Variants in PPP3CC observed in about 807,000 individuals in gnomAD.
PPP3CC encodes protein phosphatase 3 catalytic subunit gamma, also known as serine/threonine-protein phosphatase 2B catalytic subunit gamma isoform.
Under a neutral mutation model 60.3 loss-of-function variants are expected in PPP3CC, and 35 were observed. That is an observed-to-expected ratio of 0.58 (90% CI 0.44 to 0.77). PPP3CC has a LOEUF of 0.77. Among genes scored for constraint, PPP3CC ranks in the 30% least tolerant of loss-of-function variants. The pLI is 0.00. For synonymous variants in PPP3CC, 206 were observed against 224.3 expected (o/e 0.92, Z 0.73); for missense variants, 570 against 628.9 (o/e 0.91, Z 1.00).
intron 3 of PPP3CC, among the ~76,000 whole-genome samples, chr8:22,478,359 C>T (rs1238875606): frequency 6.6e-6 from 1 of 152,042 alleles, no homozygotes; most frequent in Non-Finnish European, 1.5e-5. Flanking sequence ...ACCATCTTGG[C>T]CAGGCTGGTC....
chr8:22,460,359 G>A (rs561080016), intron 1 of PPP3CC, among the ~76,000 whole-genome samples: 2 of 152,116 alleles, frequency 1.3e-5, no homozygotes, highest in South Asian at 4.2e-4. Flanking sequence ...AATTTTTTGT[G>A]TGTGAGTGTG....
rs117637204 is a variant in PPP3CC, at chr8:22,521,851, A to G, written c.771-640A>G. 6.8e-4 allele frequency among the ~76,000 whole-genome samples: 103 copies of G among 151,830 alleles called. No homozygotes were observed. The East Asian group carries it at 0.013, about 19-fold the overall frequency. ...AGAATATTGTATCTTTTTTTAGAAT[A>G]TGGTTGGCTAAAATATTTACATCTG... On this transcript the variant is annotated intron_variant, in intron 6 of 13. Coordinates refer to ENST00000240139, the MANE Select transcript of PPP3CC (RefSeq NM_005605.5).
chr8:22,499,714 C>CATTTTTA (rs1838708055), intron 4 of PPP3CC, among the ~76,000 whole-genome samples: 1 of 152,198 alleles, frequency 6.6e-6, no homozygotes, highest in Admixed American at 6.5e-5. Flanking sequence ...AGGGCATTTG[C>CATTTTTA]ATTTTTAGTT....
intron 6 of PPP3CC, among the ~76,000 whole-genome samples, chr8:22,513,887 A>G (rs192623733): frequency 6.6e-6 from 1 of 152,322 alleles, no homozygotes; most frequent in Admixed American, 6.5e-5. Context: ...AGCCCAGTAC[A>G]TTTCCTGGAA....
chr8:22,540,094 A>G (rs935462128), intron 13 of PPP3CC, among the ~76,000 whole-genome samples: 7 of 152,330 alleles, frequency 4.6e-5, no homozygotes, highest in Middle Eastern at 3.4e-3. Context: ...TGTAGAAGCT[A>G]TTTTTAAGTT....
chr8:22,468,060 C>T (rs1837600384), intron 1 of PPP3CC, among the ~76,000 whole-genome samples: 1 of 152,158 alleles, frequency 6.6e-6, no homozygotes, highest in Non-Finnish European at 1.5e-5. Context: ...ACATTCAAAT[C>T]ATAGCAGCTG....
chr8:22,441,509 G>C, intron 1 of PPP3CC, 51 bp downstream of exon 1: 5 of 1,495,268 alleles, frequency 3.3e-6, no homozygotes, highest in Non-Finnish European at 4.5e-6. Context: ...ACGGCCTTCG[G>C]CTGGGCGGCG....
chr8:22,441,704 G>A (rs1427217875), intron 1 of PPP3CC, among the ~76,000 whole-genome samples: 3 of 151,990 alleles, frequency 2.0e-5, no homozygotes, highest in East Asian at 3.9e-4. Flanking sequence ...GTGCAGTGGG[G>A]ACTTCTTCTC....
At chr8:22,466,315 A>G (rs1248077997) in intron 1 of PPP3CC, among the ~76,000 whole-genome samples, 1 of 152,160 alleles carries the variant, frequency 6.6e-6, no homozygotes, top group Non-Finnish European at 1.5e-5. Flanking sequence ...ATGTGTCTTT[A>G]TAGTAGAATG....
chr8:22,491,687 G>C (rs998970919), intron 3 of PPP3CC, among the ~76,000 whole-genome samples: 1 of 152,088 alleles, frequency 6.6e-6, no homozygotes, highest in African/African-American at 2.4e-5. Flanking sequence ...AAATAATGAA[G>C]TAGTATGTTT....
intron 3 of PPP3CC, among the ~76,000 whole-genome samples, chr8:22,479,743 C>CAA (rs76119074): frequency 1.8e-5 from 1 of 54,196 alleles, no homozygotes; most frequent in African/African-American, 7.1e-5. Context: ...GACTCTGTCT[C>CAA]AAAAAAAAAA....
At chr8:22,479,271 T>C (rs1173292311) in intron 3 of PPP3CC, among the ~76,000 whole-genome samples, 2 of 152,176 alleles carry the variant, frequency 1.3e-5, no homozygotes, top group Non-Finnish European at 2.9e-5. Flanking sequence ...ATGCAGAATC[T>C]AGAAAACAAA....
intron 1 of PPP3CC, among the ~76,000 whole-genome samples, chr8:22,454,507 G>A (rs1274707421): frequency 6.6e-6 from 1 of 152,188 alleles, no homozygotes; most frequent in Admixed American, 6.5e-5. Context: ...GATTAAAAGG[G>A]TGGTATAGTG....
At chr8:22,515,910 CTTCTTTATTTTATT>C (rs1839231096) in intron 6 of PPP3CC, among the ~76,000 whole-genome samples, 1 of 136,464 alleles carries the variant, frequency 7.3e-6, no homozygotes, top group Non-Finnish European at 1.5e-5. Context: ...TTTCTTTCTT[CTTCTTTATTTTATT>C]TTATTTTATT....
intron 6 of PPP3CC, among the ~76,000 whole-genome samples, chr8:22,520,060 C>T (rs1839363816): frequency 6.6e-6 from 1 of 152,194 alleles, no homozygotes; most frequent in Admixed American, 6.5e-5. Context: ...TTTATCTCTC[C>T]TTCATTCTTA....
chr8:22,502,254 T>C (rs1199675756), intron 4 of PPP3CC, among the ~76,000 whole-genome samples: 2 of 152,140 alleles, frequency 1.3e-5, no homozygotes, highest in African/African-American at 4.8e-5. Context: ...TAGTAAAATA[T>C]GGATGCTTAA....
chr8:22,526,515 T>G (rs1839566075), intron 8 of PPP3CC, among the ~76,000 whole-genome samples: 1 of 152,226 alleles, frequency 6.6e-6, no homozygotes, highest in Non-Finnish European at 1.5e-5. Flanking sequence ...GGTGTACATT[T>G]TAGACATTCA....
At chr8:22,517,672 G>T in intron 6 of PPP3CC, among the ~76,000 whole-genome samples, 1 of 152,074 alleles carries the variant, frequency 6.6e-6, no homozygotes, top group South Asian at 2.1e-4. Flanking sequence ...AGTCCGTTAT[G>T]ATCCCTTTTA....
At chr8:22,483,406 C>T (rs1353019896) in intron 3 of PPP3CC, among the ~76,000 whole-genome samples, 1 of 152,224 alleles carries the variant, frequency 6.6e-6, no homozygotes, top group African/African-American at 2.4e-5. Flanking sequence ...CCTGCCTCAG[C>T]CTCCTGAGTA....
Sources: allele counts gnomAD v4.1 joint callset (sites outside exome capture counted in the v4.1 genomes callset), GRCh38; gene constraint gnomAD v4.1.1; transcripts MANE v1.5; gene names NCBI Gene and HGNC (gene_info 2026-07-23, HGNC 2026-07-21).